NFU1: variants seen among roughly 807,000 people sequenced by gnomAD.
NFU1 encodes NFU1 iron-sulfur cluster scaffold, also known as NFU1 iron-sulfur cluster scaffold homolog, mitochondrial.
A neutral mutation model predicts 32.2 loss-of-function variants in NFU1; 30 were observed. That is an observed-to-expected ratio of 0.93 (90% CI 0.70 to 1.26). The LOEUF (loss-of-function observed/expected upper bound fraction) is 1.26, where lower values mean the gene tolerates loss of function less well. Ranked by LOEUF, NFU1 falls within the 50% of genes most tolerant of loss-of-function variation. The probability of loss-of-function intolerance (pLI) is 0.00; values close to 1 mark genes in which losing one functional copy is unlikely to be tolerated. For synonymous variants in NFU1, 112 were observed against 104.6 expected (o/e 1.07, Z -0.43); for missense variants, 306 against 306.6 (o/e 1.00, Z 0.02).
chr2:69,399,363 C>T, intron 7 of NFU1: 1 of 455,340 alleles, frequency 2.2e-6, no homozygotes, highest in Admixed American at 2.4e-5. Context: ...TTACTGATGA[C>T]AAGGTGCTGT....
intron 5 of NFU1, chr2:69,411,024 CAT>C (rs1316869333): frequency 1.3e-5 from 2 of 151,608 alleles, no homozygotes; most frequent in African/African-American, 2.4e-5. Context: ...ATTAAAACTC[CAT>C]ATGTTATTAA....
intron 7 of NFU1, chr2:69,399,210 C>CAAAAA (rs752746093): frequency 1.5e-5 from 3 of 200,842 alleles, no homozygotes; most frequent in Non-Finnish European, 1.9e-5. Context: ...ATTCTGTCTC[C>CAAAAA]AAAAAAAAAA....
At chr2:69,413,814 C>T (rs890348910) in intron 5 of NFU1, among the ~76,000 whole-genome samples, 2 of 150,144 alleles carry the variant, frequency 1.3e-5, no homozygotes, top group African/African-American at 2.5e-5. Context: ...TTTGGGAGGC[C>T]GAGGCAGGCG....
chr2:69,426,317 G>A (rs1042717085), intron 2 of NFU1, among the ~76,000 whole-genome samples: 1 of 150,402 alleles, frequency 6.6e-6, no homozygotes, highest in South Asian at 2.1e-4. Context: ...ATTGAGTCTC[G>A]CTCTGTCGCC....
At chr2:69,407,268 T>C (rs973624945) in intron 5 of NFU1, among the ~76,000 whole-genome samples, 1 of 152,144 alleles carries the variant, frequency 6.6e-6, no homozygotes, top group African/African-American at 2.4e-5. Context: ...GTTCTACAAA[T>C]CTTCTGAGCA....
chr2:69,415,356 G>A (rs1673015643), intron 4 of NFU1, 57 bp from the exon 5 acceptor site: 2 of 935,488 alleles, frequency 2.1e-6, no homozygotes, highest in South Asian at 1.3e-5. Context: ...GACCCATACA[G>A]AACACTACCT....
At chr2:69,437,200 A>G (rs541053566) in intron 1 of NFU1, 161 bp downstream of exon 1, 4 of 1,425,454 alleles carry the variant, frequency 2.8e-6, no homozygotes, top group African/African-American at 2.9e-5. Flanking sequence ...TCCCGCACAG[A>G]CAGCCTCAGG....
chr2:69,423,170 G>GTGTGTGTGTGTGTGTGTGTGTGTA (rs1673308338), intron 3 of NFU1, among the ~76,000 whole-genome samples: 1 of 113,930 alleles, frequency 8.8e-6, no homozygotes, highest in African/African-American at 3.4e-5. Context: ...GTGTGTGTAT[G>GTGTGTGTGTGTGTGTGTGTGTGTA]TGTGTGTGTG....
At chr2:69,438,342 T>C (rs187816275), upstream of NFU1, among the ~76,000 whole-genome samples, 4 of 152,076 alleles carry the variant, frequency 2.6e-5, no homozygotes, top group East Asian at 7.8e-4. Flanking sequence ...AACCAACTCC[T>C]GGGCTCAAGT....
chr2:69,406,476 A>C (rs1192415050), intron 5 of NFU1, among the ~76,000 whole-genome samples: 1 of 152,242 alleles, frequency 6.6e-6, no homozygotes, highest in Non-Finnish European at 1.5e-5. Context: ...CTACTTTGTA[A>C]GTTAAGTTAC....
intron 6 of NFU1, among the ~76,000 whole-genome samples, chr2:69,404,234 G>A (rs1672620847): frequency 6.7e-6 from 1 of 149,954 alleles, no homozygotes; most frequent in Non-Finnish European, 1.5e-5. Context: ...ACCCACGCCT[G>A]TAATCCCGGC....
intron 4 of NFU1, among the ~76,000 whole-genome samples, chr2:69,416,751 T>A (rs1041383615): frequency 6.6e-6 from 1 of 151,868 alleles, no homozygotes; most frequent in South Asian, 2.1e-4. Flanking sequence ...ATACAAAAAT[T>A]AGCCGGCGTG....
At chr2:69,439,556 A>G (rs772092973), upstream of NFU1, among the ~76,000 whole-genome samples, 3 of 152,234 alleles carry the variant, frequency 2.0e-5, no homozygotes, top group African/African-American at 7.2e-5. Flanking sequence ...AAGGGGACCC[A>G]AGCAGGTTGC....
chr2:69,400,808 G>C (rs1406750934), intron 6 of NFU1, among the ~76,000 whole-genome samples: 1 of 151,916 alleles, frequency 6.6e-6, no homozygotes, highest in Non-Finnish European at 1.5e-5. Flanking sequence ...TTTAAGGCTG[G>C]GCATGGTGGC....
intron 3 of NFU1, among the ~76,000 whole-genome samples, chr2:69,421,841 G>A (rs945110991): frequency 1.1e-4 from 16 of 151,782 alleles, no homozygotes; most frequent in Non-Finnish European, 1.9e-4. Flanking sequence ...GGATTACAGG[G>A]ATGAGCCACC....
intron 6 of NFU1, among the ~76,000 whole-genome samples, chr2:69,405,634 G>A (rs1162128791): frequency 6.6e-6 from 1 of 152,122 alleles, no homozygotes. Context: ...GAAGCCTGCT[G>A]TTCTCCACTC....
Position 69,396,252 on chromosome 2 carries a change from TGA to T in NFU1, c.757_758del (p.Ser253ThrfsTer4). The T allele has an allele frequency of 1.9e-6, 3 of 1,611,238 alleles. No individual in the cohort carries two copies. Among genetic ancestry groups the T allele is most frequent in the Non-Finnish European group, 2.5e-6 (3 of 1,177,962 alleles). ...DDESDEKEANSP is the reference protein window; with the variant it reads ...DDESDEKEANXP ...AAAGAAAATCCAGATTATTTTAAGG[TGA>T]GTTTGCTTCTTTTTCATCTGATTCA... On this transcript the variant is annotated frameshift_variant, in exon 8 of 8. Coordinates refer to ENST00000410022, the MANE Select transcript of NFU1 (RefSeq NM_001002755.4). LOFTEE classifies it high-confidence loss of function.
At chr2:69,411,297 C>G (rs1233968593) in intron 5 of NFU1, among the ~76,000 whole-genome samples, 1 of 152,042 alleles carries the variant, frequency 6.6e-6, no homozygotes, top group Non-Finnish European at 1.5e-5. Context: ...AAAGGAAAAA[C>G]TTCATCAACA....
chr2:69,437,428 T>A lies in NFU1; in HGVS notation c.-6A>T, dbSNP rs116604978. 10 of 1,610,542 alleles carry A rather than the reference T, an allele frequency of 6.2e-6. No homozygotes were observed. In the South Asian group the frequency reaches 1.1e-4, roughly 18 times the overall value. On this transcript the variant is annotated 5_prime_UTR_variant, in exon 1 of 8. Coordinates refer to ENST00000410022, the MANE Select transcript of NFU1 (RefSeq NM_001002755.4). Reference sequence around the variant, plus strand: ...CGCCTGGCCGTCGCCGCCATCTTAGTCCGGAGTGCCTAAGGGTCTCCCTGA... The same window carrying A: ...CGCCTGGCCGTCGCCGCCATCTTAGACCGGAGTGCCTAAGGGTCTCCCTGA...
Sources: allele counts gnomAD v4.1 joint callset (sites outside exome capture counted in the v4.1 genomes callset), GRCh38; gene constraint gnomAD v4.1.1; transcripts MANE v1.5; gene names NCBI Gene and HGNC (gene_info 2026-07-23, HGNC 2026-07-21).